The following PAPSS2 variants were observed in gnomAD, a reference collection of about 807,000 sequenced individuals.
PAPSS2 encodes 3'-phosphoadenosine 5'-phosphosulfate synthase 2, also known as bifunctional 3'-phosphoadenosine 5'-phosphosulfate synthase 2.
In PAPSS2, 61 loss-of-function variants were observed where a neutral mutation model predicts 66.5. The ratio of observed to expected loss-of-function variants is 0.92; its 90% CI spans 0.75 to 1.14. The LOEUF (loss-of-function observed/expected upper bound fraction) is 1.14. Among genes scored for constraint, PAPSS2 ranks in the 50% most tolerant of loss-of-function variants. The pLI, the probability that PAPSS2 is intolerant of heterozygous loss-of-function variation, is 0.00. For missense variants in PAPSS2, 708 were observed against 789.6 expected (o/e 0.90, Z 1.24); for synonymous variants, 289 against 287.5 (o/e 1.01, Z -0.05).
At chr10:87,740,629 T>C (rs1173079825) in intron 9 of PAPSS2, among the ~76,000 whole-genome samples, 17 of 152,232 alleles carry the variant, frequency 1.1e-4, no homozygotes, top group Non-Finnish European at 2.5e-4. Flanking sequence ...CTGACACTTG[T>C]TGAGTTTTGG....
intron 7 of PAPSS2, among the ~76,000 whole-genome samples, chr10:87,721,467 T>A (rs1026519545): frequency 3.3e-5 from 5 of 152,182 alleles, no homozygotes; most frequent in Non-Finnish European, 7.3e-5. Flanking sequence ...AAAACAGATA[T>A]CTCTTCCCAG....
chr10:87,682,459 AC>A (rs1853033836), intron 1 of PAPSS2, among the ~76,000 whole-genome samples: 1 of 152,058 alleles, frequency 6.6e-6, no homozygotes, highest in Non-Finnish European at 1.5e-5. Flanking sequence ...ACTATATAAA[AC>A]CCCTTCCATC....
chr10:87,678,066 T>A (rs747886867), intron 1 of PAPSS2, among the ~76,000 whole-genome samples: 1 of 152,164 alleles, frequency 6.6e-6, no homozygotes, highest in Non-Finnish European at 1.5e-5. Flanking sequence ...GAAGACCACT[T>A]CTAAGTATAA....
chr10:87,708,503 T>G lies in PAPSS2; in HGVS notation c.28-693T>G, dbSNP rs888364543. The stretch of plus-strand genomic sequence containing the variant: ...TCTCTGGCTCTATAGGGACTGGGGA[T>G]CAACCACCCCCACCCTAGTATTTCC... On this transcript the variant is annotated intron_variant, in intron 1 of 12. Transcript: ENST00000456849. 5.3e-5 allele frequency among the ~76,000 whole-genome samples: 8 copies of G among 152,280 alleles called. No homozygotes were observed. The East Asian group carries it at 1.2e-3, about 22-fold the overall frequency.
At chr10:87,706,028 G>A (rs1853379456) in intron 1 of PAPSS2, among the ~76,000 whole-genome samples, 1 of 147,268 alleles carries the variant, frequency 6.8e-6, no homozygotes, top group Non-Finnish European at 1.5e-5. Context: ...CGCCGCGTCT[G>A]GCCAGGTTGT....
Position 87,701,319 on chromosome 10 carries a change from CCTTCCTTCCTTTCTTTCTTTCTTT to C in PAPSS2, c.28-7873_28-7850del, listed in dbSNP as rs1431945929. On this transcript the variant is annotated intron_variant, in intron 1 of 12. Coordinates refer to ENST00000456849, the MANE Select transcript of PAPSS2 (RefSeq NM_001015880.2). ...TTCTTTTTTCCTTCCTTCCTTCCTT[CCTTCCTTCCTTTCTTTCTTTCTTT>C]CTTTCTTTCTTTCTTTCTTTCTTTC... 5.7e-3 allele frequency among the ~76,000 whole-genome samples: 543 copies of C among 95,520 alleles called. 19 individuals carry two copies. Among genetic ancestry groups the C allele is most frequent in the East Asian group, 0.012 (37 of 3,174 alleles). 62.7% of individuals were successfully genotyped at this position (95,520 alleles called of 152,430 possible).
At chr10:87,716,670 T>G (rs1853536536) in intron 7 of PAPSS2, among the ~76,000 whole-genome samples, 1 of 152,176 alleles carries the variant, frequency 6.6e-6, no homozygotes, top group Admixed American at 6.5e-5. Flanking sequence ...CCTGTGTTTG[T>G]GCCTTTGCCT....
At chr10:87,723,225 T>C (rs1589437818) in intron 8 of PAPSS2, among the ~76,000 whole-genome samples, 1 of 152,226 alleles carries the variant, frequency 6.6e-6, no homozygotes, top group East Asian at 1.9e-4. Context: ...CAGTAAGCAA[T>C]CCACAGAAAG....
chr10:87,714,914 C>A, intron 5 of PAPSS2, 51 bp downstream of exon 5: 1 of 1,411,056 alleles, frequency 7.1e-7, no homozygotes, highest in Non-Finnish European at 1.0e-6. Context: ...TCATGAAAGA[C>A]AATCTATGCC....
At chr10:87,695,641 C>T (rs1392014736) in intron 1 of PAPSS2, among the ~76,000 whole-genome samples, 1 of 152,144 alleles carries the variant, frequency 6.6e-6, no homozygotes, top group African/African-American at 2.4e-5. Context: ...GGGTCTAAGT[C>T]AGAATGCTGA....
intron 3 of PAPSS2, among the ~76,000 whole-genome samples, chr10:87,713,526 A>G (rs553764139): frequency 2.0e-5 from 3 of 152,260 alleles, no homozygotes; most frequent in African/African-American, 7.2e-5. Flanking sequence ...ATGCCAGGGC[A>G]CCAGTAGACA....
rs1404255557 is a variant in PAPSS2 at position 87,659,969 on chromosome 10, G to A, written c.-13G>A. ...CTGCTCCCGGGACCCGGGCTCCGCC[G>A]CAGCCAGCCAGCATGTCGGGGATCA... On this transcript the variant is annotated 5_prime_UTR_variant, in exon 1 of 13. Transcript: ENST00000456849. 6.2e-7 allele frequency: 1 copy of A among 1,612,552 alleles called. No homozygotes were observed. Among genetic ancestry groups the A allele is most frequent in the African/African-American group, 1.3e-5 (1 of 74,908 alleles).
chr10:87,663,740 C>A (rs569330203), intron 1 of PAPSS2, among the ~76,000 whole-genome samples: 1 of 152,188 alleles, frequency 6.6e-6, no homozygotes, highest in Non-Finnish European at 1.5e-5. Context: ...TTTCCCCTTA[C>A]AATTGTCGTG....
chr10:87,661,871 C>A (rs76479505), intron 1 of PAPSS2, among the ~76,000 whole-genome samples: 3,696 of 152,224 alleles, frequency 0.024, 169 homozygotes, highest in African/African-American at 0.083. Context: ...TTTAGTCTAA[C>A]GCAGTTATAA....
At chr10:87,689,348 A>C (rs931713627) in intron 1 of PAPSS2, among the ~76,000 whole-genome samples, 1 of 150,922 alleles carries the variant, frequency 6.6e-6, no homozygotes, top group South Asian at 2.1e-4. Flanking sequence ...CTCAAAAAAA[A>C]AAAAAAACAA....
intron 1 of PAPSS2, among the ~76,000 whole-genome samples, chr10:87,666,076 G>A (rs570588475): frequency 1.7e-4 from 25 of 150,726 alleles, no homozygotes; most frequent in African/African-American, 2.0e-4. Flanking sequence ...CGATTCTCAC[G>A]CCTCGGCCTC....
chr10:87,732,241 AATTAAG>A (rs562384911), intron 9 of PAPSS2, among the ~76,000 whole-genome samples: 127 of 152,292 alleles, frequency 8.3e-4, no homozygotes, highest in Non-Finnish European at 1.4e-3. Context: ...GGTATTTTTA[AATTAAG>A]ATAGGCTGGG....
intron 7 of PAPSS2, among the ~76,000 whole-genome samples, chr10:87,718,333 C>A (rs1400565041): frequency 6.6e-6 from 1 of 152,082 alleles, no homozygotes; most frequent in African/African-American, 2.4e-5. Flanking sequence ...ACCCTGCCAA[C>A]CCATTGATTT....
At chr10:87,735,484 T>C (rs1215765632) in intron 9 of PAPSS2, among the ~76,000 whole-genome samples, 1 of 152,204 alleles carries the variant, frequency 6.6e-6, no homozygotes, top group Admixed American at 6.5e-5. Context: ...CTCAAAATTG[T>C]GCTGTGTCCA....
Sources: allele counts gnomAD v4.1 joint callset (sites outside exome capture counted in the v4.1 genomes callset), GRCh38; gene constraint gnomAD v4.1.1; transcripts MANE v1.5; gene names NCBI Gene and HGNC (gene_info 2026-07-23, HGNC 2026-07-21).